CATSPERE: variants seen among roughly 807,000 people sequenced by gnomAD.
The protein encoded by CATSPERE is catsper channel auxiliary subunit epsilon.
CATSPERE carries 93 observed loss-of-function variants against 114.1 expected under a neutral mutation model. That is an observed-to-expected ratio of 0.81 (90% CI 0.69 to 0.97). The LOEUF (loss-of-function observed/expected upper bound fraction) is 0.97, where lower values mean the gene tolerates loss of function less well. Ranked by LOEUF, CATSPERE falls within the 50% of genes least tolerant of loss-of-function variation. CATSPERE has a pLI of 0.00. For missense variants in CATSPERE, 1,058 were observed against 1,131.6 expected (o/e 0.93, Z 0.93); for synonymous variants, 341 against 384.1 (o/e 0.89, Z 1.31).
chr1:244,570,395 CT>C (rs1353708292), intron 10 of CATSPERE, among the ~76,000 whole-genome samples: 1 of 152,010 alleles, frequency 6.6e-6, no homozygotes, highest in Non-Finnish European at 1.5e-5. Flanking sequence ...ATTTTATCTA[CT>C]TTCTTTTTAA....
chr1:244,609,562 G>T (rs893990086), intron 18 of CATSPERE, among the ~76,000 whole-genome samples: 1 of 152,018 alleles, frequency 6.6e-6, no homozygotes, highest in African/African-American at 2.4e-5. Context: ...TGTTGGCCAG[G>T]CTGGTCTCGA....
chr1:244,544,220 TC>T (rs1334253513), intron 8 of CATSPERE, among the ~76,000 whole-genome samples: 1 of 152,076 alleles, frequency 6.6e-6, no homozygotes, highest in Non-Finnish European at 1.5e-5. Context: ...CCAGCCTACC[TC>T]AAAGGGACCT....
chr1:244,630,001 G>A (rs1673722471), intron 20 of CATSPERE, among the ~76,000 whole-genome samples: 1 of 152,148 alleles, frequency 6.6e-6, no homozygotes, highest in Non-Finnish European at 1.5e-5. Flanking sequence ...TCCAGGTCAT[G>A]TATCATCAAT....
At chr1:244,586,767 G>A (rs1298206246) in intron 13 of CATSPERE, among the ~76,000 whole-genome samples, 1 of 152,140 alleles carries the variant, frequency 6.6e-6, no homozygotes, top group Non-Finnish European at 1.5e-5. Context: ...ACATGCATAA[G>A]GCAGAACGCA....
intron 2 of CATSPERE, among the ~76,000 whole-genome samples, chr1:244,470,491 A>G (rs3006012): frequency 2.5e-3 from 383 of 152,348 alleles, no homozygotes; most frequent in African/African-American, 8.5e-3. Flanking sequence ...TCAGATGTCT[A>G]TAATCAAAAA....
intron 20 of CATSPERE, 48 bp downstream of exon 20, chr1:244,617,734 T>C (rs546313074): frequency 3.0e-5 from 43 of 1,444,858 alleles, no homozygotes; most frequent in Middle Eastern, 3.6e-4. Flanking sequence ...TTCTTCAAAA[T>C]CTTTATTTTT....
intron 9 of CATSPERE, among the ~76,000 whole-genome samples, chr1:244,553,670 G>A (rs1661139722): frequency 7.3e-6 from 1 of 137,246 alleles, no homozygotes; most frequent in Admixed American, 7.2e-5. Context: ...GTTGCTAAGT[G>A]TAGATACCCT....
chr1:244,627,164 G>A (rs1445200966), intron 20 of CATSPERE, among the ~76,000 whole-genome samples: 1 of 152,174 alleles, frequency 6.6e-6, no homozygotes, highest in African/African-American at 2.4e-5. Context: ...AGAGATGCGG[G>A]ATGGGGGTCA....
chr1:244,589,628 C>G (rs549921438), intron 14 of CATSPERE, among the ~76,000 whole-genome samples: 1 of 152,200 alleles, frequency 6.6e-6, no homozygotes. Flanking sequence ...TGCATTTTAA[C>G]AAAATTTCCA....
Position 244,640,188 on chromosome 1 carries a change from C to CGTA in CATSPERE, c.*112_*114dup, listed in dbSNP as rs34444654. Reference sequence around the variant, plus strand: ...GACCAAGAAATACTAAATATAAGCTCGTAGTAGGCATCACCAAATTCAAGA... The same window carrying CGTA: ...GACCAAGAAATACTAAATATAAGCTCGTAGTAGTAGGCATCACCAAATTCAAGA... On this transcript the variant is annotated 3_prime_UTR_variant, in exon 22 of 22. Transcript: ENST00000366534. 509,018 of 743,190 alleles carry CGTA rather than the reference C, an allele frequency of 0.68. 179,182 individuals are homozygous for CGTA. The highest frequency in any genetic ancestry group is 0.78 in the Middle Eastern group (1,973 of 2,536). The allele number at this position is 743,190 out of a possible 1,614,324, so 46.0% of individuals were successfully genotyped here.
intron 19 of CATSPERE, among the ~76,000 whole-genome samples, chr1:244,613,821 C>T (rs1225634116): frequency 6.6e-6 from 1 of 152,194 alleles, no homozygotes; most frequent in African/African-American, 2.4e-5. Context: ...TCCAGTACAG[C>T]AGCATTGAGA....
intron 8 of CATSPERE, among the ~76,000 whole-genome samples, chr1:244,539,003 C>A (rs1257981769): frequency 2.0e-5 from 3 of 152,172 alleles, no homozygotes; most frequent in Non-Finnish European, 2.9e-5. Flanking sequence ...CTGCACGTCG[C>A]TAGCCAGCTT....
intron 21 of CATSPERE, among the ~76,000 whole-genome samples, chr1:244,639,298 T>C (rs1277375864): frequency 1.3e-5 from 2 of 152,196 alleles, no homozygotes; most frequent in Non-Finnish European, 2.9e-5. Context: ...TAACTCCTAC[T>C]CCCACTCATA....
Position 244,538,819 on chromosome 1 carries a change from G to A in CATSPERE, c.537-13503G>A, listed in dbSNP as rs1032149374. ...CAGGACACATTGGGAGTACCAGCAG[G>A]GCTAGACCACCTGGGATCAGTTAGA... On this transcript the variant is annotated intron_variant, in intron 8 of 21. Transcript: ENST00000366534. Among the ~76,000 whole-genome samples, 6 of 152,090 alleles carry A rather than the reference G, an allele frequency of 3.9e-5. No homozygotes were observed. The South Asian group carries it at 8.3e-4, about 21-fold the overall frequency.
rs376656746 is a variant in CATSPERE, at chr1:244,551,787, A to G, written c.537-535A>G. Among the ~76,000 whole-genome samples, 10 of 152,312 alleles carry G rather than the reference A, an allele frequency of 6.6e-5. No homozygotes were observed. The East Asian group carries it at 1.4e-3, about 21-fold the overall frequency. ...CATATAAGAATGTTTACTTGAGGCC[A>G]GGCGCGGTGGCTCACGCCTGTAATC... is the stretch of plus-strand genomic sequence containing the variant. On this transcript the variant is annotated intron_variant, in intron 8 of 21. Transcript: ENST00000366534.
chr1:244,591,678 T>C lies in CATSPERE; in HGVS notation c.2139-3T>C. Reference sequence around the variant, plus strand: ...CAACTTCATTATGTTTTGTCTTTTGTAGATTTAGTAAAAAAGGATGTCATC... The same window carrying C: ...CAACTTCATTATGTTTTGTCTTTTGCAGATTTAGTAAAAAAGGATGTCATC... On this transcript the variant is annotated splice_region_variant and splice_polypyrimidine_tract_variant and intron_variant, in intron 14 of 21. Coordinates refer to ENST00000366534, the MANE Select transcript of CATSPERE (RefSeq NM_001130957.2). 1.3e-6 allele frequency: 2 copies of C among 1,481,754 alleles called. No homozygotes were observed. Among genetic ancestry groups the C allele is most frequent in the Non-Finnish European group, 1.9e-6 (2 of 1,073,168 alleles). 91.8% of individuals were successfully genotyped at this position (1,481,754 alleles called of 1,614,324 possible).
chr1:244,589,796 G>A (rs59343158), intron 14 of CATSPERE, among the ~76,000 whole-genome samples: 250 of 152,268 alleles, frequency 1.6e-3, no homozygotes, highest in African/African-American at 5.3e-3. Flanking sequence ...AGAAGGGTCC[G>A]AATAATAACT....
chr1:244,545,980 A>C (rs754145447), intron 8 of CATSPERE, among the ~76,000 whole-genome samples: 1 of 152,238 alleles, frequency 6.6e-6, no homozygotes, highest in Non-Finnish European at 1.5e-5. Context: ...ATGGCTTTGC[A>C]TGCTATGCAG....
At chr1:244,506,531 A>G (rs1341469216) in intron 7 of CATSPERE, among the ~76,000 whole-genome samples, 2 of 152,206 alleles carry the variant, frequency 1.3e-5, no homozygotes, top group African/African-American at 2.4e-5. Context: ...AAAGGTTCCA[A>G]TTCCTCTACA....
Sources: allele counts gnomAD v4.1 joint callset (sites outside exome capture counted in the v4.1 genomes callset), GRCh38; gene constraint gnomAD v4.1.1; transcripts MANE v1.5; gene names NCBI Gene and HGNC (gene_info 2026-07-23, HGNC 2026-07-21).